The following NFIC variants were observed in gnomAD, a reference collection of about 807,000 sequenced individuals.
NFIC encodes the protein nuclear factor I C.
Under a neutral mutation model 54.4 loss-of-function variants are expected in NFIC, and 12 were observed. That is an observed-to-expected ratio of 0.22 (90% CI 0.14 to 0.36). The LOEUF (loss-of-function observed/expected upper bound fraction) is 0.36. Among genes scored for constraint, NFIC ranks in the 10% least tolerant of loss-of-function variants. The pLI, the probability that NFIC is intolerant of heterozygous loss-of-function variation, is 1.00. For synonymous variants in NFIC, 322 were observed against 319.2 expected (o/e 1.01, Z -0.09); for missense variants, 575 against 718.2 (o/e 0.80, Z 2.28).
intron 6 of NFIC, among the ~76,000 whole-genome samples, chr19:3,441,826 G>A (rs566388308): frequency 7.9e-5 from 12 of 152,230 alleles, no homozygotes; most frequent in Non-Finnish European, 1.6e-4. Flanking sequence ...GGTCTCTCCC[G>A]AAGGTGCCCT....
At chr19:3,360,986 A>G (rs1421565686) in intron 1 of NFIC, among the ~76,000 whole-genome samples, 1 of 152,112 alleles carries the variant, frequency 6.6e-6, no homozygotes, top group East Asian at 1.9e-4. Context: ...CGCCTCCCCC[A>G]GTTCCTTTTT....
chr19:3,397,240 A>G (rs2081479193), intron 2 of NFIC, among the ~76,000 whole-genome samples: 1 of 152,220 alleles, frequency 6.6e-6, no homozygotes, highest in Admixed American at 6.5e-5. Flanking sequence ...CTAAGGTCAC[A>G]TAGCTAAGGA....
intron 1 of NFIC, among the ~76,000 whole-genome samples, chr19:3,379,962 G>GT (rs1288803917): frequency 1.3e-5 from 2 of 151,940 alleles, no homozygotes; most frequent in Non-Finnish European, 2.9e-5. Context: ...GATTACAGGT[G>GT]TGAGCCACCA....
intron 3 of NFIC, 141 bp downstream of exon 3, chr19:3,425,318 G>T: frequency 1.0e-6 from 1 of 966,260 alleles, no homozygotes; most frequent in Non-Finnish European, 1.5e-6. Flanking sequence ...GCCTGTCCAG[G>T]GGCTACCAGG....
Position 3,416,415 on chromosome 19 carries a change from C to T in NFIC, c.563-8691C>T, listed in dbSNP as rs1402707690. ...ATGGCCTGTAGGTATATAAAATATGCCATATAGGTATATAAAATATACTTA... is the reference window on the plus strand; with the variant it reads ...ATGGCCTGTAGGTATATAAAATATGTCATATAGGTATATAAAATATACTTA... On this transcript the variant is annotated intron_variant, in intron 2 of 10. Transcript: ENST00000443272. Among the ~76,000 whole-genome samples the T allele has an allele frequency of 4.7e-5, 7 of 149,260 alleles. No individual in the cohort carries two copies. In the East Asian group the frequency reaches 1.4e-3, roughly 29 times the overall value.
At position 3,452,704 on chromosome 19, in the gene NFIC, G is replaced by A. The variant is rs756545186; in HGVS notation, c.1269+38G>A. 1.3e-6 allele frequency: 2 copies of A among 1,548,004 alleles called. No individual in the cohort carries two copies. Among genetic ancestry groups the A allele is most frequent in the Non-Finnish European group, 1.7e-6 (2 of 1,151,002 alleles). On this transcript the variant is annotated intron_variant, in intron 8 of 10. Transcript: ENST00000443272. This position sits in a 1 kb window ranked among gnomAD's most constrained non-coding sequence, Gnocchi z 5.3. ...GGGCGCATTCGGGCCTCTCCTGGCG[G>A]CTCCAGGTGACCTCCCGGGGGCCAC...
At chr19:3,418,669 T>C (rs1227162073) in intron 2 of NFIC, among the ~76,000 whole-genome samples, 2 of 152,088 alleles carry the variant, frequency 1.3e-5, no homozygotes, top group East Asian at 3.9e-4. Flanking sequence ...CTGGCTAACA[T>C]GGCAAAATCC....
At chr19:3,431,616 G>A (rs2082122290) in intron 3 of NFIC, among the ~76,000 whole-genome samples, 1 of 151,920 alleles carries the variant, frequency 6.6e-6, no homozygotes, top group Non-Finnish European at 1.5e-5. Flanking sequence ...TGATCCACCT[G>A]CCTCAGCTTC....
rs993066565 is a variant in NFIC at position 3,370,475 on chromosome 19, G to A, written c.30+3809G>A. ...AAGCTGGGATTCTGGCAGAGTCAGC[G>A]TTCTCCTCTCTCTCTCTCTCTCTCT... On this transcript the variant is annotated intron_variant, in intron 1 of 10. Transcript: ENST00000443272. This position sits in a 1 kb window ranked among gnomAD's most constrained non-coding sequence, Gnocchi z 5.2. 7.1e-5 allele frequency among the ~76,000 whole-genome samples: 10 copies of A among 141,610 alleles called. No individual in the cohort carries two copies. The highest frequency in any genetic ancestry group is 2.0e-4 in the Admixed American group (3 of 14,816). 92.9% of individuals were successfully genotyped at this position (141,610 alleles called of 152,430 possible). A position where few individuals can be genotyped will look rare whatever the true frequency, so the allele number is the denominator to read the frequency against.
In NFIC at chr19:3,412,203, C is replaced by T. The variant is rs8100249; in HGVS notation, c.563-12903C>T. On this transcript the variant is annotated intron_variant, in intron 2 of 10. Coordinates refer to ENST00000443272, the MANE Select transcript of NFIC (RefSeq NM_001245002.2). ...GCTCAGACGATCCACCCACCTCAGC[C>T]CCCAGAGTAGCTGGGACTGCAGGCA... 6.3e-3 allele frequency among the ~76,000 whole-genome samples: 953 copies of T among 152,216 alleles called. 10 individuals are homozygous for T. The highest frequency in any genetic ancestry group is 0.022 in the African/African-American group (896 of 41,530).
rs888347255 is a variant in NFIC at position 3,395,314 on chromosome 19, G to A, written c.562+13071G>A. On this transcript the variant is annotated intron_variant, in intron 2 of 10. Transcript: ENST00000443272. ...GCAGAGGCTGCAGTCAGCAGAGATC[G>A]CACCACTGTACTCCAGCCTGGGCAA... Among the ~76,000 whole-genome samples, 5 of 151,894 alleles carry A rather than the reference G, an allele frequency of 3.3e-5. No individual in the cohort carries two copies. The East Asian group carries it at 5.9e-4, about 18-fold the overall frequency.
In NFIC at chr19:3,425,175, T is replaced by C. The variant is rs1387044961; in HGVS notation, c.632T>C (p.Leu211Pro). ...SDQEDSKPIT[L>P]DTTDFQESFV... ...CAGGAGGACAGCAAGCCCATCACGC[T>C]GGGTGAGTCTGGGGGCAGCGTGGCG... Residue 211 changes from leucine (L) to proline (P), a missense_variant and splice_region_variant, in exon 3 of 11, where the codon CTG becomes CCG. By Grantham distance (98) the Leu-to-Pro change is moderately conservative (BLOSUM62 -3). This residue lies in a region of NFIC where 447 missense variants were observed against 526.9 expected (regional missense o/e 0.85). Transcript: ENST00000443272. 6.2e-7 allele frequency: 1 copy of C among 1,610,484 alleles called. No individual in the cohort carries two copies. Among genetic ancestry groups the C allele is most frequent in the Admixed American group, 1.7e-5 (1 of 59,826 alleles).
Position 3,385,208 on chromosome 19 carries a change from C to G in NFIC, c.562+2965C>G, listed in dbSNP as rs1034114798. ...TTGGCCCCAGCAGGGCACACCCCCC[C>G]CCAACCCTCCCACCTGCCCACTGCG... On this transcript the variant is annotated intron_variant, in intron 2 of 10. Coordinates refer to ENST00000443272, the MANE Select transcript of NFIC (RefSeq NM_001245002.2). 2.6e-4 allele frequency among the ~76,000 whole-genome samples: 40 copies of G among 151,540 alleles called. 1 individual carries two copies. The highest frequency in any genetic ancestry group is 8.0e-4 in the African/African-American group (33 of 41,288).
chr19:3,417,875 T>G (rs2081890965), intron 2 of NFIC, among the ~76,000 whole-genome samples: 1 of 150,030 alleles, frequency 6.7e-6, no homozygotes. Context: ...CCTGACCTCA[T>G]GATCCGCCCG....
At position 3,403,031 on chromosome 19, in the gene NFIC, A is replaced by G. The variant is rs181015924; in HGVS notation, c.562+20788A>G. Reference sequence around the variant, plus strand: ...AGCATTTATTTTGCACCTGCTGTATACCAGATCCTATCAGGAGAATCCCAA... The same window carrying G: ...AGCATTTATTTTGCACCTGCTGTATGCCAGATCCTATCAGGAGAATCCCAA... On this transcript the variant is annotated intron_variant, in intron 2 of 10. Coordinates refer to ENST00000443272, the MANE Select transcript of NFIC (RefSeq NM_001245002.2). Among the ~76,000 whole-genome samples, 200 of 152,298 alleles carry G rather than the reference A, an allele frequency of 1.3e-3. 1 individual carries two copies. Among genetic ancestry groups the G allele is most frequent in the African/African-American group, 4.5e-3 (189 of 41,562 alleles).
chr19:3,424,801 G>C (rs1860323), intron 2 of NFIC, among the ~76,000 whole-genome samples: 29,348 of 152,264 alleles, frequency 0.19, 4,008 homozygotes, highest in East Asian at 0.61. Flanking sequence ...AGGTGTCTAA[G>C]TTCTTACCCA....
At chr19:3,372,294 T>C (rs907421211) in intron 1 of NFIC, among the ~76,000 whole-genome samples, 2 of 152,096 alleles carry the variant, frequency 1.3e-5, no homozygotes, top group African/African-American at 2.4e-5. Context: ...GTGCTGGGAT[T>C]ACAGGCATGA....
intron 10 of NFIC, among the ~76,000 whole-genome samples, chr19:3,461,867 A>G (rs1321523245): frequency 6.6e-6 from 1 of 151,566 alleles, no homozygotes; most frequent in Non-Finnish European, 1.5e-5. Flanking sequence ...CATCCTGGCC[A>G]ACATGGTGAA....
chr19:3,413,495 G>A (rs991997305), intron 2 of NFIC, among the ~76,000 whole-genome samples: 1 of 152,100 alleles, frequency 6.6e-6, no homozygotes, highest in Non-Finnish European at 1.5e-5. Context: ...GTCTAGCTTT[G>A]TGCCTCAGTT....
Sources: gnomAD v4.1 joint callset for allele counts (sites outside exome capture counted in the v4.1 genomes callset) on GRCh38, gnomAD v4.1.1 for gene constraint, gnomAD v4.1.1 regional missense constraint, Gnocchi (gnomAD v3.1) non-coding constraint, MANE v1.5 for transcripts, NCBI Gene and HGNC (gene_info 2026-07-23, HGNC 2026-07-21) for gene names.